SGCB: variants seen among roughly 807,000 people sequenced by gnomAD.
SGCB encodes the protein beta-sarcoglycan.
SGCB carries 25 observed loss-of-function variants against 27.3 expected under a neutral mutation model. The ratio of observed to expected loss-of-function variants is 0.92; its 90% CI spans 0.67 to 1.28. SGCB has a LOEUF of 1.28. Ranked by LOEUF, SGCB falls within the 50% of genes most tolerant of loss-of-function variation. The probability of loss-of-function intolerance (pLI) is 0.00; values close to 1 mark genes in which losing one functional copy is unlikely to be tolerated. For synonymous variants in SGCB, 147 were observed against 133.5 expected (o/e 1.10, Z -0.70); for missense variants, 436 against 402.1 (o/e 1.08, Z -0.72).
At position 52,038,137 on chromosome 4, in the gene SGCB, G is replaced by A. The variant is rs1317389507; in HGVS notation, c.33+90C>T. ...CCAGACCCTGCGGCCCGCGCCCCCCGCACCCCCGGCCAGGGCTCCCGCGGG... is the reference window on the plus strand; with the variant it reads ...CCAGACCCTGCGGCCCGCGCCCCCCACACCCCCGGCCAGGGCTCCCGCGGG... On this transcript the variant is annotated intron_variant, in intron 1 of 5. Coordinates refer to ENST00000381431, the MANE Select transcript of SGCB (RefSeq NM_000232.5). 9.2e-6 allele frequency: 8 copies of A among 874,174 alleles called. No individual in the cohort carries two copies. In the East Asian group the frequency reaches 1.0e-3, roughly 111 times the overall value. 54.2% of individuals were successfully genotyped at this position (874,174 alleles called of 1,614,324 possible). A position where few individuals can be genotyped will look rare whatever the true frequency, so the allele number is the denominator to read the frequency against.
rs1175330844 is a variant in SGCB, at chr4:52,032,929, C to A, written c.243+502G>T. On this transcript the variant is annotated intron_variant, in intron 2 of 5. Coordinates refer to ENST00000381431, the MANE Select transcript of SGCB (RefSeq NM_000232.5). Reference sequence around the variant, plus strand: ...CAGTACTTTAGTGTGAATCAGCCTACCAGATTCTTGCATCCTTTGACAACG... The same window carrying A: ...CAGTACTTTAGTGTGAATCAGCCTAACAGATTCTTGCATCCTTTGACAACG... Among the ~76,000 whole-genome samples the A allele has an allele frequency of 2.6e-5, 4 of 152,122 alleles. No individual in the cohort carries two copies. In the East Asian group the frequency reaches 7.7e-4, roughly 29 times the overall value.
In SGCB at chr4:52,023,082, TC is replaced by T. The variant is rs747312495; in HGVS notation, c.*874del. The T allele has an allele frequency of 5.9e-5, 9 of 152,190 alleles. No individual in the cohort carries two copies. Among genetic ancestry groups the T allele is most frequent in the Non-Finnish European group, 1.2e-4 (8 of 68,030 alleles). The allele number at this position is 152,190 out of a possible 1,614,324, so 9.4% of individuals were successfully genotyped here. On this transcript the variant is annotated 3_prime_UTR_variant, in exon 6 of 6. Coordinates refer to ENST00000381431, the MANE Select transcript of SGCB (RefSeq NM_000232.5). ...AACATGGCATTTGGAATCAAGTACA[TC>T]CAGGTTTGAGTCATGCCTGAATTCC...
Position 52,021,409 on chromosome 4 carries a change from A to T in SGCB, c.*2548T>A, listed in dbSNP as rs777603639. The T allele has an allele frequency of 1.3e-5, 2 of 152,414 alleles. No homozygotes were observed. 9.4% of individuals were successfully genotyped at this position (152,414 alleles called of 1,614,324 possible). On this transcript the variant is annotated 3_prime_UTR_variant, in exon 6 of 6. Transcript: ENST00000381431. ...CGTGGTGGCTCACACCTGTAATCCC[A>T]GCACTTTGGGAGGCCAAGGCAGGCA...
At chr4:52,024,959 G>C (rs1194226527) in intron 5 of SGCB, among the ~76,000 whole-genome samples, 1 of 152,040 alleles carries the variant, frequency 6.6e-6, no homozygotes, top group Non-Finnish European at 1.5e-5. Flanking sequence ...CTCTAGTCTG[G>C]AGGTTCTTCA....
rs1488476710 is a variant in SGCB at position 52,027,817 on chromosome 4, ACTTT to A, written c.753+147_753+150del. ...AATGAATTTCACAAATTGTTTTGTAACTTTCTTTTACTTCACAACCCACTTTGAA... is the reference window on the plus strand; with the variant it reads ...AATGAATTTCACAAATTGTTTTGTAACTTTTACTTCACAACCCACTTTGAA... On this transcript the variant is annotated intron_variant, in intron 5 of 5. Transcript: ENST00000381431. 10 of 697,366 alleles carry A rather than the reference ACTTT, an allele frequency of 1.4e-5. No homozygotes were observed. In the Admixed American group the frequency reaches 2.2e-4, roughly 16 times the overall value. The allele number at this position is 697,366 out of a possible 1,614,324, so 43.2% of individuals were successfully genotyped here.
intron 2 of SGCB, chr4:52,032,079 C>T: frequency 2.5e-6 from 1 of 400,190 alleles, no homozygotes; most frequent in South Asian, 1.9e-5. Flanking sequence ...CAGATAGAAT[C>T]CTCTCTGGTC....
intron 1 of SGCB, among the ~76,000 whole-genome samples, chr4:52,034,842 C>T (rs949200538): frequency 6.6e-6 from 1 of 152,148 alleles, no homozygotes; most frequent in Admixed American, 6.5e-5. Context: ...TGTTTTTACT[C>T]TCCTAGGCCC....
At position 52,027,541 on chromosome 4, in the gene SGCB, A is replaced by G. The variant is rs225168; in HGVS notation, c.753+427T>C. The stretch of plus-strand genomic sequence containing the variant: ...AAATCTTTAATTAAAAACAACAACT[A>G]CAAGGCATGAATATTTACTTTGATC... On this transcript the variant is annotated intron_variant, in intron 5 of 5. Transcript: ENST00000381431. 3.5e-4 allele frequency among the ~76,000 whole-genome samples: 52 copies of G among 150,460 alleles called. No individual in the cohort carries two copies. In the South Asian group the frequency reaches 5.8e-3, roughly 17 times the overall value.
chr4:52,022,347 G>C lies in SGCB; in HGVS notation c.*1610C>G, dbSNP rs1175038448. The C allele has an allele frequency of 6.6e-6, 1 of 152,162 alleles. No individual in the cohort carries two copies. The highest frequency in any genetic ancestry group is 1.5e-5 in the Non-Finnish European group (1 of 68,028). The allele number at this position is 152,162 out of a possible 1,614,324, so 9.4% of individuals were successfully genotyped here. A position where few individuals can be genotyped will look rare whatever the true frequency, so the allele number is the denominator to read the frequency against. ...TTTTCTTATGTGCACAATTCAAAGTGACCCTGACAGAATGCTGTTACACTT... is the reference window on the plus strand; with the variant it reads ...TTTTCTTATGTGCACAATTCAAAGTCACCCTGACAGAATGCTGTTACACTT... On this transcript the variant is annotated 3_prime_UTR_variant, in exon 6 of 6. Coordinates refer to ENST00000381431, the MANE Select transcript of SGCB (RefSeq NM_000232.5).
At chr4:52,030,009 A>C in intron 2 of SGCB, 146 bp from the exon 3 acceptor site, 1 of 679,568 alleles carries the variant, frequency 1.5e-6, no homozygotes, top group Non-Finnish European at 2.6e-6. Context: ...TTTTCCACTT[A>C]TAAACAAAAC....
At chr4:52,036,490 T>A (rs189784301) in intron 1 of SGCB, among the ~76,000 whole-genome samples, 3 of 152,246 alleles carry the variant, frequency 2.0e-5, no homozygotes, top group Non-Finnish European at 4.4e-5. Flanking sequence ...TCCTATACAA[T>A]CAGATTTGCA....
At chr4:52,034,759 G>C (rs1425649239) in intron 1 of SGCB, among the ~76,000 whole-genome samples, 1 of 152,124 alleles carries the variant, frequency 6.6e-6, no homozygotes, top group Non-Finnish European at 1.5e-5. Context: ...AATGCAGGGT[G>C]GGGAGTCCTG....
chr4:52,030,886 A>G (rs1388678330), intron 2 of SGCB, among the ~76,000 whole-genome samples: 1 of 152,162 alleles, frequency 6.6e-6, no homozygotes, highest in Non-Finnish European at 1.5e-5. Flanking sequence ...CGTCTTTATA[A>G]TGCTTCATAT....
intron 5 of SGCB, 151 bp downstream of exon 5, chr4:52,027,817 A>C: frequency 1.4e-6 from 1 of 697,484 alleles, no homozygotes; most frequent in East Asian, 2.7e-5. Context: ...TTGTTTTGTA[A>C]CTTTCTTTTA....
chr4:52,024,099 G>A lies in SGCB; in HGVS notation c.815C>T (p.Ser272Phe). The A allele has an allele frequency of 6.2e-7, 1 of 1,614,138 alleles. No individual in the cohort carries two copies. The highest frequency in any genetic ancestry group is 8.5e-7 in the Non-Finnish European group (1 of 1,180,018). ...ACCACTACCCAACTGGTCTCCACTGGAGGAACTGGGTAGGCGGGTGGTGCT... is the reference window on the plus strand; with the variant it reads ...ACCACTACCCAACTGGTCTCCACTGAAGGAACTGGGTAGGCGGGTGGTGCT... ...MVSTTRLPSS[S>F]SGDQLGSGDW... The change falls in exon 6 of 6, where the codon TCC (serine) becomes TTC (phenylalanine). Residue 272 changes from serine to phenylalanine, a missense_variant. By Grantham distance (155) the Ser-to-Phe change is radical. Transcript: ENST00000381431.
chr4:52,029,895 G>T (rs781149331), intron 2 of SGCB, 32 bp from the exon 3 acceptor site: 3 of 1,494,912 alleles, frequency 2.0e-6, no homozygotes, highest in South Asian at 2.2e-5. Flanking sequence ...CTGTTGGTAG[G>T]CCGCATACAT....
chr4:52,031,969 T>C, intron 2 of SGCB: 1 of 455,708 alleles, frequency 2.2e-6, no homozygotes. Context: ...GAGCTGGAGG[T>C]GGAGAATGAG....
intron 1 of SGCB, among the ~76,000 whole-genome samples, chr4:52,037,763 T>C (rs1737434341): frequency 1.3e-5 from 2 of 152,198 alleles, no homozygotes; most frequent in African/African-American, 4.8e-5. Context: ...TGTCTGCATA[T>C]TGGAGATGGC....
At chr4:52,031,195 T>C (rs938550342) in intron 2 of SGCB, among the ~76,000 whole-genome samples, 1 of 152,196 alleles carries the variant, frequency 6.6e-6, no homozygotes, top group African/African-American at 2.4e-5. Flanking sequence ...TTTCTTGACT[T>C]ATGTATTTGA....
Sources: gnomAD v4.1 joint callset for allele counts (sites outside exome capture counted in the v4.1 genomes callset) on GRCh38, gnomAD v4.1.1 for gene constraint, MANE v1.5 for transcripts, NCBI Gene and HGNC (gene_info 2026-07-23, HGNC 2026-07-21) for gene names.